The following KIF21A variants were observed in gnomAD, a reference collection of about 807,000 sequenced individuals.
KIF21A encodes the protein kinesin family member 21A.
A neutral mutation model predicts 202.9 loss-of-function variants in KIF21A; 114 were observed. The ratio of observed to expected loss-of-function variants is 0.56; its 90% confidence interval spans 0.48 to 0.66. The LOEUF is 0.66. KIF21A is among the 30% of genes least tolerant of loss of function. The pLI is 0.00. For missense variants in KIF21A, 1,677 were observed against 1,994.9 expected (o/e 0.84, Z 3.04); for synonymous variants, 667 against 670.8 (o/e 0.99, Z 0.09).
At chr12:39,340,046 T>C (rs1947316598) in intron 16 of KIF21A, 119 bp downstream of exon 16, 1 of 762,332 alleles carries the variant, frequency 1.3e-6, no homozygotes, top group Non-Finnish European at 2.1e-6. Context: ...ATTACATCAT[T>C]TGTAAGATTG....
intron 26 of KIF21A, among the ~76,000 whole-genome samples, chr12:39,325,457 G>T (rs760813644): frequency 6.7e-6 from 1 of 149,490 alleles, no homozygotes; most frequent in African/African-American, 2.5e-5. Context: ...TCAGCCTCCC[G>T]AGTAGCTGGG....
chr12:39,370,959 G>T (rs1353183645), intron 1 of KIF21A, among the ~76,000 whole-genome samples: 1 of 152,088 alleles, frequency 6.6e-6, no homozygotes, highest in Non-Finnish European at 1.5e-5. Flanking sequence ...AGATGTTCAA[G>T]TCCCTGACAT....
intron 1 of KIF21A, among the ~76,000 whole-genome samples, chr12:39,422,728 C>T (rs1954406902): frequency 6.6e-6 from 1 of 152,192 alleles, no homozygotes; most frequent in African/African-American, 2.4e-5. Flanking sequence ...TCACCAAAGT[C>T]TCCACCAGAA....
intron 12 of KIF21A, among the ~76,000 whole-genome samples, chr12:39,346,144 T>C (rs1414674720): frequency 2.0e-5 from 3 of 152,018 alleles, no homozygotes; most frequent in African/African-American, 7.2e-5. Flanking sequence ...CTTTTTTTAA[T>C]AAATCAAATG....
intron 1 of KIF21A, among the ~76,000 whole-genome samples, chr12:39,407,131 C>T (rs1403415861): frequency 6.6e-6 from 1 of 152,172 alleles, no homozygotes; most frequent in African/African-American, 2.4e-5. Flanking sequence ...CCTGCATTGT[C>T]GATTCTTCCC....
At position 39,293,408 on chromosome 12, in the gene KIF21A, T is replaced by C. The variant is rs572819787; in HGVS notation, c.*1016A>G. On this transcript the variant is annotated 3_prime_UTR_variant, in exon 38 of 38. Coordinates refer to ENST00000361418, the MANE Select transcript of KIF21A (RefSeq NM_001173464.2). ...CAGACAGAAATATTATACATCCTTT[T>C]GCAAAATCCAGTCAACAACTTTTAA... 2 of 152,760 alleles carry C rather than the reference T, an allele frequency of 1.3e-5. No homozygotes were observed. The highest frequency in any genetic ancestry group is 1.3e-4 in the Admixed American group (2 of 15,298). 9.5% of individuals were successfully genotyped at this position (152,760 alleles called of 1,614,324 possible). A position where few individuals can be genotyped will look rare whatever the true frequency, so the allele number is the denominator to read the frequency against.
At chr12:39,422,583 T>C (rs149964324) in intron 1 of KIF21A, among the ~76,000 whole-genome samples, 27 of 152,318 alleles carry the variant, frequency 1.8e-4, no homozygotes, top group African/African-American at 6.0e-4. Flanking sequence ...AGTGGTGTCA[T>C]GGGACACCTC....
At chr12:39,346,370 T>C (rs1269348704) in intron 12 of KIF21A, 96 bp downstream of exon 12, 2 of 788,086 alleles carry the variant, frequency 2.5e-6, no homozygotes, top group Non-Finnish European at 3.5e-6. Context: ...GCTTATCTAG[T>C]CTGAAACAAT....
rs995049033 is a variant in KIF21A at position 39,391,734 on chromosome 12, G to A, written c.45-21473C>T. ...TCAAATGCTAAAGACTGCAATTTTC[G>A]TTGTTGTTGTTGTTGTTGTTGTTGA... On this transcript the variant is annotated intron_variant, in intron 1 of 37. Transcript: ENST00000361418. Among the ~76,000 whole-genome samples the A allele has an allele frequency of 8.0e-5, 7 of 87,852 alleles. No individual in the cohort carries two copies. The South Asian group carries it at 9.2e-4, about 11-fold the overall frequency. The allele number at this position is 87,852 out of a possible 152,430, so 57.6% of individuals were successfully genotyped here.
Position 39,416,802 on chromosome 12 carries a change from CAT to C in KIF21A, c.44+26123_44+26124del, listed in dbSNP as rs1180522705. 3.0e-4 allele frequency among the ~76,000 whole-genome samples: 28 copies of C among 94,162 alleles called. No homozygotes were observed. The South Asian group carries it at 3.1e-3, about 11-fold the overall frequency. 61.8% of individuals were successfully genotyped at this position (94,162 alleles called of 152,430 possible). ...ACATATATATGTGTATATATATGTACATATATATGTGTGTATATATGTACATA... is the reference window on the plus strand; with the variant it reads ...ACATATATATGTGTATATATATGTACATATATGTGTGTATATATGTACATA... On this transcript the variant is annotated intron_variant, in intron 1 of 37. Transcript: ENST00000361418.
intron 17 of KIF21A, among the ~76,000 whole-genome samples, chr12:39,334,397 A>G (rs1240440936): frequency 6.6e-6 from 1 of 152,114 alleles, no homozygotes; most frequent in Non-Finnish European, 1.5e-5. Flanking sequence ...CGTGTTTTGC[A>G]TTCAAATTCA....
In KIF21A at chr12:39,421,755, A is replaced by G. The variant is rs1954294543; in HGVS notation, c.44+21172T>C. The stretch of plus-strand genomic sequence containing the variant: ...TATATATATATATACACATACACAC[A>G]TATATATTTATTTATATATAAAAAT... On this transcript the variant is annotated intron_variant, in intron 1 of 37. Transcript: ENST00000361418. 4.8e-5 allele frequency among the ~76,000 whole-genome samples: 7 copies of G among 146,866 alleles called. No homozygotes were observed. The South Asian group carries it at 1.5e-3, about 31-fold the overall frequency.
In KIF21A at chr12:39,409,233, G is replaced by A. The variant is rs533762081; in HGVS notation, c.44+33694C>T. On this transcript the variant is annotated intron_variant, in intron 1 of 37. Coordinates refer to ENST00000361418, the MANE Select transcript of KIF21A (RefSeq NM_001173464.2). ...GAATCAATGAACCTTAAGCAAATAA[G>A]AAAGAGCCAGGTTTGGTGGTTCACA... 2.0e-5 allele frequency among the ~76,000 whole-genome samples: 3 copies of A among 151,848 alleles called. No individual in the cohort carries two copies. The South Asian group carries it at 6.3e-4, about 32-fold the overall frequency.
intron 1 of KIF21A, among the ~76,000 whole-genome samples, chr12:39,396,051 GAACA>G (rs1488262122): frequency 6.6e-6 from 1 of 151,832 alleles, no homozygotes; most frequent in Non-Finnish European, 1.5e-5. Context: ...GGGGAGGCAC[GAACA>G]ATTAGTCCAC....
chr12:39,416,386 A>C (rs1488597929), intron 1 of KIF21A, among the ~76,000 whole-genome samples: 1 of 152,056 alleles, frequency 6.6e-6, no homozygotes, highest in Non-Finnish European at 1.5e-5. Context: ...ACCTGAGGTC[A>C]GGAGTTCAAG....
intron 1 of KIF21A, among the ~76,000 whole-genome samples, chr12:39,412,644 G>A (rs1334023501): frequency 6.6e-6 from 1 of 152,092 alleles, no homozygotes; most frequent in African/African-American, 2.4e-5. Flanking sequence ...CTTGAACCTA[G>A]AAAATGAAGG....
At chr12:39,302,367 TG>T (rs1943042882) in intron 36 of KIF21A, among the ~76,000 whole-genome samples, 1 of 152,156 alleles carries the variant, frequency 6.6e-6, no homozygotes, top group African/African-American at 2.4e-5. Flanking sequence ...AGCAGGAAAG[TG>T]GAAGCAACTA....
chr12:39,317,943 A>C (rs1309740253), intron 29 of KIF21A, 130 bp downstream of exon 29: 2 of 941,608 alleles, frequency 2.1e-6, no homozygotes, highest in Non-Finnish European at 3.3e-6. Context: ...AAAGATGCAT[A>C]AAATATGGCA....
intron 24 of KIF21A, 38 bp downstream of exon 24, chr12:39,330,204 T>C: frequency 1.3e-6 from 2 of 1,578,044 alleles, no homozygotes; most frequent in East Asian, 2.2e-5. Context: ...TAGTAATTCA[T>C]GCAGCTGTAG....
Sources: allele counts gnomAD v4.1 joint callset (sites outside exome capture counted in the v4.1 genomes callset), GRCh38; gene constraint gnomAD v4.1.1; transcripts MANE v1.5; gene names NCBI Gene and HGNC (gene_info 2026-07-23, HGNC 2026-07-21).